The following ITGB1 variants were observed in gnomAD, a reference collection of about 807,000 sequenced individuals.
ITGB1 encodes the protein integrin beta-1.
A neutral mutation model predicts 86.5 loss-of-function variants in ITGB1; 24 were observed. The observed-to-expected ratio is 0.28, with a 90% CI of 0.20 to 0.39. ITGB1 has a LOEUF of 0.39. Ranked by LOEUF, ITGB1 falls within the 10% of genes least tolerant of loss-of-function variation. The pLI, the probability that ITGB1 is intolerant of heterozygous loss-of-function variation, is 1.00. For synonymous variants in ITGB1, 323 were observed against 316.8 expected (o/e 1.02, Z -0.21); for missense variants, 556 against 946.9 (o/e 0.59, Z 5.42).
intron 1 of ITGB1, among the ~76,000 whole-genome samples, chr10:32,941,244 T>C (rs971576669): frequency 2.0e-5 from 3 of 152,210 alleles, no homozygotes; most frequent in African/African-American, 7.2e-5. Context: ...GCATATGCAT[T>C]TGGGCAGCTC....
intron 1 of ITGB1, among the ~76,000 whole-genome samples, chr10:32,943,854 C>T (rs1324416949): frequency 6.6e-6 from 1 of 152,162 alleles, no homozygotes; most frequent in Admixed American, 6.5e-5. Flanking sequence ...CTATCTTTAC[C>T]ATACTGAGTA....
chr10:32,904,229 A>C (rs2094890191), intron 15 of ITGB1, among the ~76,000 whole-genome samples: 1 of 152,200 alleles, frequency 6.6e-6, no homozygotes, highest in Non-Finnish European at 1.5e-5. Context: ...AAATGAAGGT[A>C]AACTAAAATA....
At chr10:32,947,432 C>CGTGTGTGTGTGT (rs1186872641) in intron 1 of ITGB1, among the ~76,000 whole-genome samples, 4,522 of 137,292 alleles carry the variant, frequency 0.033, 153 homozygotes, top group African/African-American at 0.062. Flanking sequence ...CACATATAGC[C>CGTGTGTGTGTGT]GTGTGTGTGT....
chr10:32,933,079 C>T (rs974293056), intron 2 of ITGB1, among the ~76,000 whole-genome samples: 2 of 152,136 alleles, frequency 1.3e-5, no homozygotes, highest in African/African-American at 2.4e-5. Context: ...TTCCCAGCCT[C>T]TGGTAACCAT....
chr10:32,918,295 G>A (rs1403389031), intron 11 of ITGB1, among the ~76,000 whole-genome samples: 1 of 151,832 alleles, frequency 6.6e-6, no homozygotes, highest in Non-Finnish European at 1.5e-5. Context: ...TATACATATG[G>A]AACAAACCTG....
chr10:32,930,755 T>C lies in ITGB1; in HGVS notation c.154-711A>G, dbSNP rs909834215. 1.2e-4 allele frequency among the ~76,000 whole-genome samples: 19 copies of C among 152,270 alleles called. No individual in the cohort carries two copies. The Middle Eastern group carries it at 0.014, about 109-fold the overall frequency. ...TCAAAAAAGGAAAAAAAGTTCTTAATGGCAGGTGAATGGATATTTGCAGTA... is the reference window on the plus strand; with the variant it reads ...TCAAAAAAGGAAAAAAAGTTCTTAACGGCAGGTGAATGGATATTTGCAGTA... On this transcript the variant is annotated intron_variant, in intron 3 of 15. Coordinates refer to ENST00000302278, the MANE Select transcript of ITGB1 (RefSeq NM_002211.4).
At chr10:32,939,954 G>C (rs1248241373) in intron 1 of ITGB1, among the ~76,000 whole-genome samples, 1 of 152,176 alleles carries the variant, frequency 6.6e-6, no homozygotes, top group Admixed American at 6.5e-5. Flanking sequence ...ACATGGAGCT[G>C]TCATCTCCTA....
Position 32,925,894 on chromosome 10 carries a change from T to C in ITGB1, c.763A>G (p.Ile255Val). ...ACTCCACAAACTGCAACTTGCATGA[T>C]GGCATCGAAACCACCTTCTGGAGAA... Reference protein sequence around the residue: ...LDSPEGGFDAIMQVAVCGSLI... With the variant: ...LDSPEGGFDAVMQVAVCGSLI... The change falls in exon 6 of 16, where the codon ATC becomes GTC. Residue 255 changes from isoleucine to valine, a missense_variant. Transcript: ENST00000302278. The C allele has an allele frequency of 1.9e-6, 3 of 1,612,336 alleles. No homozygotes were observed. Among genetic ancestry groups the C allele is most frequent in the Non-Finnish European group, 2.5e-6 (3 of 1,178,346 alleles).
chr10:32,924,480 T>C (rs2094958897), intron 6 of ITGB1, among the ~76,000 whole-genome samples: 1 of 152,226 alleles, frequency 6.6e-6, no homozygotes, highest in Admixed American at 6.5e-5. Flanking sequence ...TAAAATACTT[T>C]AAGGTGGGAA....
intron 6 of ITGB1, 25 bp downstream of exon 6, chr10:32,925,846 C>T: frequency 1.5e-6 from 2 of 1,307,546 alleles, no homozygotes; most frequent in Non-Finnish European, 2.2e-6. Flanking sequence ...AACAATATCC[C>T]CTGATAGGAA....
At chr10:32,937,531 G>A (rs2095006257) in intron 1 of ITGB1, among the ~76,000 whole-genome samples, 1 of 140,068 alleles carries the variant, frequency 7.1e-6, no homozygotes, top group South Asian at 2.3e-4. Context: ...ACTCTAGCCT[G>A]GCGAAAGAGC....
At chr10:32,945,917 CAATT>C (rs1282872355) in intron 1 of ITGB1, among the ~76,000 whole-genome samples, 2 of 152,114 alleles carry the variant, frequency 1.3e-5, no homozygotes, top group African/African-American at 4.8e-5. Context: ...AAAAATGTAT[CAATT>C]AACATACAGA....
chr10:32,945,891 A>T (rs951966978), intron 1 of ITGB1, among the ~76,000 whole-genome samples: 1 of 152,166 alleles, frequency 6.6e-6, no homozygotes, highest in African/African-American at 2.4e-5. Context: ...TTTACTCAGA[A>T]TTTTCAATTT....
intron 1 of ITGB1, among the ~76,000 whole-genome samples, chr10:32,955,291 T>C (rs994911668): frequency 1.3e-5 from 2 of 152,124 alleles, no homozygotes; most frequent in Non-Finnish European, 2.9e-5. Flanking sequence ...CCCGGCATAA[T>C]CTCCAGGATT....
At chr10:32,952,010 C>T (rs976714728) in intron 1 of ITGB1, among the ~76,000 whole-genome samples, 4 of 152,172 alleles carry the variant, frequency 2.6e-5, no homozygotes, top group African/African-American at 9.7e-5. Context: ...ATTTTGACCA[C>T]ATCTTTTGTC....
Position 32,900,453 on chromosome 10 carries a change from T to C in ITGB1, c.*1117A>G, listed in dbSNP as rs2094878833. On this transcript the variant is annotated 3_prime_UTR_variant, in exon 16 of 16. Coordinates refer to ENST00000302278, the MANE Select transcript of ITGB1 (RefSeq NM_002211.4). ...CTTCAGTAAATAGCACTGTAAAAAG[T>C]GAACTGTTAAAACTAAAGGCACTTA... 1 of 151,764 alleles carries C rather than the reference T, an allele frequency of 6.6e-6. No individual in the cohort carries two copies. The highest frequency in any genetic ancestry group is 2.1e-4 in the South Asian group (1 of 4,786). 9.4% of individuals were successfully genotyped at this position (151,764 alleles called of 1,614,324 possible). A position where few individuals can be genotyped will look rare whatever the true frequency, so the allele number is the denominator to read the frequency against.
intron 1 of ITGB1, among the ~76,000 whole-genome samples, chr10:32,956,751 T>C (rs549698059): frequency 2.6e-5 from 4 of 152,286 alleles, no homozygotes; most frequent in Admixed American, 2.6e-4. Context: ...AAGTTAACCA[T>C]GTGGCATGTT....
chr10:32,911,861 C>G, intron 12 of ITGB1, 25 bp downstream of exon 12: 1 of 1,573,456 alleles, frequency 6.4e-7, no homozygotes, highest in East Asian at 2.2e-5. Context: ...TCACATCTTA[C>G]AACCACTTCA....
At chr10:32,940,291 G>A (rs1024200834) in intron 1 of ITGB1, among the ~76,000 whole-genome samples, 15 of 149,986 alleles carry the variant, frequency 1.0e-4, no homozygotes, top group African/African-American at 3.4e-4. Flanking sequence ...GTTACAGTGC[G>A]CCAAAATTGC....
Sources: allele counts gnomAD v4.1 joint callset (sites outside exome capture counted in the v4.1 genomes callset), GRCh38; gene constraint gnomAD v4.1.1; transcripts MANE v1.5; gene names NCBI Gene and HGNC (gene_info 2026-07-23, HGNC 2026-07-21).